The following CHLSN variants were observed in gnomAD, a reference collection of about 807,000 sequenced individuals.
The protein encoded by CHLSN is cholesin.
the CHLSN span, among the ~76,000 whole-genome samples, chr7:1,072,281 C>T: frequency 3.3e-5 from 5 of 152,204 alleles, no homozygotes; most frequent in African/African-American, 1.2e-4. Flanking sequence ...ATCTGCAGCC[C>T]GTGTGCTGAG....
the CHLSN span, among the ~76,000 whole-genome samples, chr7:1,029,445 A>C: frequency 9.2e-5 from 14 of 151,946 alleles, no homozygotes; most frequent in African/African-American, 3.1e-4. Flanking sequence ...ATTTTTGGAG[A>C]GATGGGGTCT....
the CHLSN span, chr7:1,023,067 G>C: frequency 2.3e-6 from 1 of 437,304 alleles, no homozygotes; most frequent in Non-Finnish European, 4.6e-6. The surrounding 1 kb of genome is among the most constrained non-coding windows in gnomAD (Gnocchi z 5.0). Flanking sequence ...CCCCTGCAGA[G>C]CATGGGACGC....
the CHLSN span, among the ~76,000 whole-genome samples, chr7:1,046,137 G>C: frequency 6.6e-6 from 1 of 152,200 alleles, no homozygotes; most frequent in Non-Finnish European, 1.5e-5. Flanking sequence ...AAATATGCTC[G>C]TGTAATTTAC....
the CHLSN span, among the ~76,000 whole-genome samples, chr7:1,068,007 C>T: frequency 6.6e-6 from 1 of 152,190 alleles, no homozygotes; most frequent in African/African-American, 2.4e-5. Context: ...GTCACAAACC[C>T]AGAGCTGCGT....
the CHLSN span, among the ~76,000 whole-genome samples, chr7:979,668 C>G: frequency 2.6e-5 from 4 of 151,750 alleles, no homozygotes; most frequent in Non-Finnish European, 5.9e-5. Flanking sequence ...AGGAGAATCG[C>G]TTGAACCTGG....
chr7:1,058,541 C>T, the CHLSN span: 9 of 764,640 alleles, frequency 1.2e-5, no homozygotes, highest in Admixed American at 3.5e-5. Context: ...CCTGGGGAGA[C>T]GTGACTCTGG....
chr7:1,106,179 C>G, the CHLSN span, among the ~76,000 whole-genome samples: 1 of 152,328 alleles, frequency 6.6e-6, no homozygotes, highest in East Asian at 1.9e-4. Context: ...GCACACTGCC[C>G]GGCCGAGCAC....
At chr7:1,102,819 G>A in the CHLSN span, among the ~76,000 whole-genome samples, 11 of 152,206 alleles carry the variant, frequency 7.2e-5, no homozygotes, top group South Asian at 2.1e-4. Flanking sequence ...CAAGCACGGC[G>A]TCAGCAACAT....
the CHLSN span, among the ~76,000 whole-genome samples, chr7:1,002,189 G>A: frequency 7.7e-6 from 1 of 129,610 alleles, no homozygotes; most frequent in Non-Finnish European, 1.6e-5. Context: ...GGAGTCCTGT[G>A]GGTGGGGAGT....
chr7:1,110,135 G>A, the CHLSN span, among the ~76,000 whole-genome samples: 6 of 152,092 alleles, frequency 3.9e-5, no homozygotes, highest in African/African-American at 1.2e-4. Flanking sequence ...CGCGCCGGCC[G>A]AGGCAGGGCT....
the CHLSN span, among the ~76,000 whole-genome samples, chr7:1,087,723 T>C: frequency 6.6e-6 from 1 of 152,260 alleles, no homozygotes; most frequent in South Asian, 2.1e-4. Flanking sequence ...GTGAAATTCC[T>C]GTTAAATTCT....
the CHLSN span, among the ~76,000 whole-genome samples, chr7:1,060,700 G>C: frequency 1.3e-5 from 2 of 152,226 alleles, no homozygotes; most frequent in Non-Finnish European, 2.9e-5. Flanking sequence ...CGTGGGATTA[G>C]AGAACAGTTT....
the CHLSN span, among the ~76,000 whole-genome samples, chr7:1,135,103 G>A: frequency 2.6e-5 from 4 of 152,088 alleles, no homozygotes; most frequent in Admixed American, 6.6e-5. Flanking sequence ...TTGGCATCCA[G>A]CACAGACAGC....
At chr7:1,114,697 G>T in the CHLSN span, among the ~76,000 whole-genome samples, 1 of 152,198 alleles carries the variant, frequency 6.6e-6, no homozygotes, top group Non-Finnish European at 1.5e-5. Flanking sequence ...AGGAACACCA[G>T]CAAACCAGGG....
the CHLSN span, among the ~76,000 whole-genome samples, chr7:993,483 G>A: frequency 6.6e-6 from 1 of 152,170 alleles, no homozygotes; most frequent in African/African-American, 2.4e-5. Flanking sequence ...GAGGCTCTGG[G>A]ATGTGAACAC....
chr7:1,128,637 T>C, the CHLSN span, among the ~76,000 whole-genome samples: 30 of 8,070 alleles, frequency 3.7e-3, no homozygotes, highest in African/African-American at 0.011. Flanking sequence ...TCGGCTCATC[T>C]CACCGTCACC....
the CHLSN span, chr7:1,088,038 G>A: frequency 6.6e-6 from 1 of 152,408 alleles, no homozygotes; most frequent in Non-Finnish European, 1.5e-5. The surrounding 1 kb of genome is among the most constrained non-coding windows in gnomAD (Gnocchi z 4.5). Context: ...AGGCCGCCCA[G>A]AGCCTGGCCA....
At chr7:1,021,628 T>C in the CHLSN span, 2 of 963,256 alleles carry the variant, frequency 2.1e-6, no homozygotes, top group Non-Finnish European at 2.5e-6. Flanking sequence ...CCAGCCCCAG[T>C]GTGACTGGCT....
the CHLSN span, among the ~76,000 whole-genome samples, chr7:978,944 A>G: frequency 6.6e-6 from 1 of 152,222 alleles, no homozygotes; most frequent in Non-Finnish European, 1.5e-5. Flanking sequence ...AGGTGGGCTC[A>G]GTGTCATGTG....
Sources: gnomAD v4.1 joint callset for allele counts (sites outside exome capture counted in the v4.1 genomes callset) on GRCh38, gnomAD v4.1.1 for gene constraint, Gnocchi (gnomAD v3.1) non-coding constraint, MANE v1.5 for transcripts, NCBI Gene and HGNC (gene_info 2026-07-23, HGNC 2026-07-21) for gene names.